The following GABRG2 variants were observed in gnomAD, a reference collection of about 807,000 sequenced individuals.
GABRG2 encodes gamma-aminobutyric acid receptor subunit gamma-2.
GABRG2 carries 16 observed loss-of-function variants against 56.4 expected under a neutral mutation model. That is an observed-to-expected ratio of 0.28 (90% CI 0.19 to 0.43). The LOEUF is 0.43. GABRG2 is among the 20% of genes least tolerant of loss of function. GABRG2 has a pLI of 1.00. For missense variants in GABRG2, 327 were observed against 582.7 expected, an observed-to-expected ratio of 0.56 and a Z score of 4.52; for synonymous variants, 208 against 205.5, an observed-to-expected ratio of 1.01 and a Z score of -0.10.
chr5:162,140,143 T>A (rs879855258), intron 6 of GABRG2, among the ~76,000 whole-genome samples: 1 of 152,226 alleles, frequency 6.6e-6, no homozygotes, highest in Non-Finnish European at 1.5e-5. Flanking sequence ...TCTATTATCA[T>A]TGATAAAAAA....
chr5:162,136,474 G>GGGT lies in GABRG2; in HGVS notation c.770-5669_770-5667dup, dbSNP rs796902762. On this transcript the variant is annotated intron_variant, in intron 6 of 9. Coordinates refer to ENST00000639213, the MANE Select transcript of GABRG2 (RefSeq NM_198904.4). Reference sequence around the variant, plus strand: ...TCGCATTGTGGAATATATGTGTGTGGGGTGGTGGTGGTGGTGGTGGTGGCA... The same window carrying GGGT: ...TCGCATTGTGGAATATATGTGTGTGGGGTGGTGGTGGTGGTGGTGGTGGTGGCA... Among the ~76,000 whole-genome samples the GGGT allele has an allele frequency of 3.9e-5, 6 of 151,910 alleles. No individual in the cohort carries two copies. In the South Asian group the frequency reaches 6.2e-4, roughly 16 times the overall value.
At position 162,142,322 on chromosome 5, in the gene GABRG2, A is replaced by G. The variant is rs375294947; in HGVS notation, c.922+6A>G. The G allele has an allele frequency of 5.1e-4, 826 of 1,613,934 alleles. No homozygotes were observed. The highest frequency in any genetic ancestry group is 6.8e-4 in the Non-Finnish European group (797 of 1,179,900). Reference sequence around the variant, plus strand: ...TCCAGCCAGAACATCTTTAGGTGAGACACCTTTGTTTATGTTGCAGTTTCT... The same window carrying G: ...TCCAGCCAGAACATCTTTAGGTGAGGCACCTTTGTTTATGTTGCAGTTTCT... On this transcript the variant is annotated splice_donor_region_variant and intron_variant, in intron 7 of 9. Transcript: ENST00000639213.
chr5:162,130,450 C>T (rs545555782), intron 6 of GABRG2, among the ~76,000 whole-genome samples: 1 of 151,964 alleles, frequency 6.6e-6, no homozygotes, highest in East Asian at 1.9e-4. Flanking sequence ...GGTTTCTCTA[C>T]CTCTGTGGAG....
chr5:162,114,293 C>G (rs1458651806), intron 6 of GABRG2, among the ~76,000 whole-genome samples: 1 of 152,018 alleles, frequency 6.6e-6, no homozygotes, highest in Non-Finnish European at 1.5e-5. Flanking sequence ...TCTTGAGTTA[C>G]TGTTTTCATA....
chr5:162,152,960 A>C, intron 9 of GABRG2, 133 bp from the exon 10 acceptor site: 1 of 1,065,656 alleles, frequency 9.4e-7, no homozygotes, highest in Non-Finnish European at 1.4e-6. Flanking sequence ...ACCATTGTAG[A>C]TCATGATGTC....
At chr5:162,118,204 GGTGTGTGT>G (rs3079259) in intron 6 of GABRG2, among the ~76,000 whole-genome samples, 8 of 146,190 alleles carry the variant, frequency 5.5e-5, no homozygotes, top group East Asian at 2.0e-4. Context: ...AGGTTCTGAT[GGTGTGTGT>G]GTGTGTGTGT....
chr5:162,076,783 T>C (rs1236095117), intron 1 of GABRG2, among the ~76,000 whole-genome samples: 1 of 152,144 alleles, frequency 6.6e-6, no homozygotes. Context: ...TCTAAGCTGG[T>C]ATTTTGCTAT....
At chr5:162,077,337 C>T (rs1177628841) in intron 1 of GABRG2, among the ~76,000 whole-genome samples, 1 of 152,128 alleles carries the variant, frequency 6.6e-6, no homozygotes, top group Non-Finnish European at 1.5e-5. Flanking sequence ...AATACTTATG[C>T]ATATGAGTTC....
At chr5:162,134,423 C>G (rs189860654) in intron 6 of GABRG2, among the ~76,000 whole-genome samples, 1 of 152,112 alleles carries the variant, frequency 6.6e-6, no homozygotes, top group South Asian at 2.1e-4. Flanking sequence ...CTGACATTAA[C>G]GTACCATCCT....
At chr5:162,134,389 A>G (rs1763969967) in intron 6 of GABRG2, among the ~76,000 whole-genome samples, 1 of 152,140 alleles carries the variant, frequency 6.6e-6, no homozygotes, top group East Asian at 1.9e-4. Context: ...ATCATATTTC[A>G]TAGATTACTC....
chr5:162,067,667 A>G (rs1022765930), upstream of GABRG2: 34 of 597,150 alleles, frequency 5.7e-5, no homozygotes, highest in Admixed American at 9.5e-4. Context: ...ATGAGTATAC[A>G]CGAGTGTGCG....
chr5:162,113,556 T>C (rs1184326161), intron 6 of GABRG2, among the ~76,000 whole-genome samples: 1 of 152,172 alleles, frequency 6.6e-6, no homozygotes, highest in East Asian at 1.9e-4. Flanking sequence ...GTACAATAAA[T>C]AAGTTACATT....
intron 6 of GABRG2, among the ~76,000 whole-genome samples, chr5:162,111,357 C>T (rs975319751): frequency 6.6e-6 from 1 of 152,112 alleles, no homozygotes; most frequent in African/African-American, 2.4e-5. Context: ...TTAAAAATCA[C>T]ACATTTGGAT....
At chr5:162,111,200 T>C (rs1433794563) in intron 6 of GABRG2, among the ~76,000 whole-genome samples, 1 of 152,160 alleles carries the variant, frequency 6.6e-6, no homozygotes, top group African/African-American at 2.4e-5. Context: ...TGCTTGGGGT[T>C]TAGGTTTTTA....
intron 1 of GABRG2, among the ~76,000 whole-genome samples, chr5:162,091,325 T>G (rs904270183): frequency 9.9e-5 from 15 of 151,920 alleles, no homozygotes; most frequent in Non-Finnish European, 2.9e-5. Flanking sequence ...ATTAAGGAAT[T>G]TTGCTATTGA....
intron 1 of GABRG2, among the ~76,000 whole-genome samples, chr5:162,087,510 C>A (rs974364330): frequency 6.7e-6 from 1 of 149,478 alleles, no homozygotes; most frequent in Admixed American, 6.6e-5. Flanking sequence ...AAAAGTTTAT[C>A]TTTCTGTTTT....
intron 6 of GABRG2, among the ~76,000 whole-genome samples, chr5:162,105,203 G>T (rs1335653577): frequency 6.6e-6 from 1 of 152,120 alleles, no homozygotes; most frequent in Non-Finnish European, 1.5e-5. Flanking sequence ...CCTACACAAA[G>T]ATGGAAATTT....
intron 3 of GABRG2, among the ~76,000 whole-genome samples, chr5:162,096,245 G>C (rs779255177): frequency 3.3e-5 from 5 of 151,984 alleles, no homozygotes; most frequent in Non-Finnish European, 7.4e-5. Flanking sequence ...AAGTTTGCTT[G>C]TTTAGTCATT....
intron 6 of GABRG2, among the ~76,000 whole-genome samples, chr5:162,139,622 T>C (rs745494139): frequency 1.3e-5 from 2 of 152,208 alleles, no homozygotes; most frequent in Non-Finnish European, 2.9e-5. Context: ...AATTATCTTG[T>C]TAACTTTGGA....
Sources: gnomAD v4.1 joint callset for allele counts (sites outside exome capture counted in the v4.1 genomes callset) on GRCh38, gnomAD v4.1.1 for gene constraint, MANE v1.5 for transcripts, NCBI Gene and HGNC (gene_info 2026-07-23, HGNC 2026-07-21) for gene names.